The following AMPD3 variants were observed in gnomAD, a reference collection of about 807,000 sequenced individuals.
AMPD3 encodes AMP deaminase 3.
A neutral mutation model predicts 82.3 loss-of-function variants in AMPD3; 57 were observed. The observed-to-expected ratio is 0.69, with a 90% CI of 0.56 to 0.86. The LOEUF (loss-of-function observed/expected upper bound fraction) is 0.86, where lower values mean the gene tolerates loss of function less well. Among genes scored for constraint, AMPD3 ranks in the 40% least tolerant of loss-of-function variants. The probability of loss-of-function intolerance (pLI) is 0.00; values close to 1 mark genes in which losing one functional copy is unlikely to be tolerated. For synonymous variants in AMPD3, 381 were observed against 394.7 expected (o/e 0.97, Z 0.41); for missense variants, 870 against 1,003.8 (o/e 0.87, Z 1.80).
intron 2 of AMPD3, 103 bp downstream of exon 2, chr11:10,461,843 T>C (rs1848280375): frequency 2.7e-6 from 3 of 1,110,304 alleles, no homozygotes; most frequent in Admixed American, 2.0e-5. Context: ...GACTGGTATG[T>C]CCCTAGAGCT....
intron 3 of AMPD3, chr11:10,481,355 C>T (rs1056388829): frequency 1.3e-6 from 1 of 775,018 alleles, no homozygotes; most frequent in Non-Finnish European, 1.6e-6. Flanking sequence ...TGACGGTGCT[C>T]ATCGCCTTCA....
intron 3 of AMPD3, among the ~76,000 whole-genome samples, chr11:10,479,323 G>A (rs1375100509): frequency 2.0e-5 from 3 of 152,164 alleles, no homozygotes; most frequent in Non-Finnish European, 4.4e-5. Flanking sequence ...TTCTTGGAGA[G>A]AAATATCACT....
intron 6 of AMPD3, among the ~76,000 whole-genome samples, chr11:10,488,786 A>G (rs1849155341): frequency 6.6e-6 from 1 of 151,946 alleles, no homozygotes; most frequent in Non-Finnish European, 1.5e-5. Flanking sequence ...CCAGCTGGGA[A>G]CCTCTTGGGG....
rs1564853900 is a variant in AMPD3, at chr11:10,494,906, A to G, written c.1142A>G (p.Gln381Arg). The change falls in exon 8 of 15, where the codon CAG (glutamine) becomes CGG (arginine). Residue 381 changes from glutamine to arginine, a missense_variant. Physicochemically the swap from Gln to Arg is conservative, Grantham distance 43 (BLOSUM62 1). Coordinates refer to ENST00000396553, the MANE Select transcript of AMPD3 (RefSeq NM_001025389.2). The stretch of plus-strand genomic sequence containing the variant: ...TGTGGTCTCCCCCCTCAGGGCCGGC[A>G]GACATTCCACCGCTTTGACAAGTTC... ...VDSLDVHAGR[Q>R]TFHRFDKFNS... 1 of 1,613,922 alleles carries G rather than the reference A, an allele frequency of 6.2e-7. No individual in the cohort carries two copies. The highest frequency in any genetic ancestry group is 1.3e-5 in the African/African-American group (1 of 74,942).
chr11:10,474,406 G>T (rs1848680865), intron 2 of AMPD3, among the ~76,000 whole-genome samples: 2 of 152,194 alleles, frequency 1.3e-5, no homozygotes, highest in African/African-American at 4.8e-5. Flanking sequence ...TATTCTCTAG[G>T]AGAGCAAGGT....
At chr11:10,502,577 A>G in intron 12 of AMPD3, 144 bp from the exon 13 acceptor site, 1 of 1,586,598 alleles carries the variant, frequency 6.3e-7, no homozygotes. Flanking sequence ...CCTGGCTTCG[A>G]GGAACTCGGG....
intron 2 of AMPD3, among the ~76,000 whole-genome samples, chr11:10,466,949 T>C (rs763075568): frequency 2.0e-5 from 3 of 152,110 alleles, no homozygotes; most frequent in Non-Finnish European, 2.9e-5. Context: ...GTCTGATTGT[T>C]AGGAGGAAAT....
intron 2 of AMPD3, among the ~76,000 whole-genome samples, chr11:10,470,826 G>A (rs979781843): frequency 3.9e-5 from 6 of 152,026 alleles, no homozygotes; most frequent in Admixed American, 6.5e-5. Flanking sequence ...AAAAACAAAT[G>A]GAAAAACATT....
chr11:10,489,724 A>C (rs549014168), intron 6 of AMPD3, among the ~76,000 whole-genome samples: 1 of 151,044 alleles, frequency 6.6e-6, no homozygotes, highest in East Asian at 1.9e-4. Context: ...CTTGTTGCCC[A>C]GGCTGGAGTG....
rs1244295669 is a variant in AMPD3, at chr11:10,506,049, T to C, written c.*165T>C. On this transcript the variant is annotated 3_prime_UTR_variant, in exon 15 of 15. Coordinates refer to ENST00000396553, the MANE Select transcript of AMPD3 (RefSeq NM_001025389.2). The surrounding 1 kb of genome is among the most constrained non-coding windows in gnomAD (Gnocchi z 4.1). ...GCACTGCTCACTTTAAGAGTTAACA[T>C]GCTCACTTGTTAGTATTTCTGAGTA... 2 of 729,264 alleles carry C rather than the reference T, an allele frequency of 2.7e-6. No homozygotes were observed. The highest frequency in any genetic ancestry group is 3.5e-5 in the African/African-American group (2 of 57,308). 45.2% of individuals were successfully genotyped at this position (729,264 alleles called of 1,614,324 possible).
Position 10,455,360 on chromosome 11 carries a change from C to G in AMPD3, c.-94C>G, listed in dbSNP as rs757752120. 1.0e-5 allele frequency: 10 copies of G among 985,306 alleles called. No homozygotes were observed. The highest frequency in any genetic ancestry group is 9.6e-6 in the Non-Finnish European group (8 of 829,982). The allele number at this position is 985,306 out of a possible 1,614,324, so 61.0% of individuals were successfully genotyped here. ...TTTAGAGGATTGCTCCTGTGGGTCA[C>G]TTGAGGCAGGCTCCACCTTCCCCAG... On this transcript the variant is annotated 5_prime_UTR_variant, in exon 1 of 15. Transcript: ENST00000396553.
intron 2 of AMPD3, among the ~76,000 whole-genome samples, chr11:10,468,583 A>G (rs1331447624): frequency 6.6e-6 from 1 of 152,184 alleles, no homozygotes; most frequent in African/African-American, 2.4e-5. Context: ...AGACTTTAAC[A>G]CCCCATTGTG....
At chr11:10,478,932 C>T (rs571834863) in intron 3 of AMPD3, among the ~76,000 whole-genome samples, 35 of 142,536 alleles carry the variant, frequency 2.5e-4, no homozygotes, top group Admixed American at 1.7e-3. Flanking sequence ...GCCTGTTCCC[C>T]GTGAGGAGGG....
chr11:10,454,871 A>G (rs1374247846), upstream of AMPD3, among the ~76,000 whole-genome samples: 1 of 152,164 alleles, frequency 6.6e-6, no homozygotes, highest in African/African-American at 2.4e-5. Context: ...TTAATGAATA[A>G]ATATTACCCT....
Position 10,495,604 on chromosome 11 carries a change from A to G in AMPD3, c.1301A>G (p.Gln434Arg), listed in dbSNP as rs1249122721. Reference protein sequence around the residue: ...VARELEESKYQYSEPRLSIYG... With the variant: ...VARELEESKYRYSEPRLSIYG... ...CGGGAGCTGGAGGAGAGCAAGTACC[A>G]GTACTCAGAGCCACGGCTCTCCATC... Residue 434 changes from glutamine (Q) to arginine (R), a missense_variant, in exon 9 of 15, where the codon CAG (glutamine) becomes CGG (arginine). Physicochemically the swap from Gln to Arg is conservative, Grantham distance 43. Transcript: ENST00000396553. 6.2e-7 allele frequency: 1 copy of G among 1,613,536 alleles called. No homozygotes were observed.
chr11:10,458,082 A>G (rs182260743), intron 1 of AMPD3, among the ~76,000 whole-genome samples: 6 of 151,940 alleles, frequency 3.9e-5, no homozygotes, highest in African/African-American at 1.4e-4. Flanking sequence ...CTGGTGGTGG[A>G]TGGCTTCTGT....
chr11:10,458,635 T>C (rs1848171024), intron 1 of AMPD3, among the ~76,000 whole-genome samples: 1 of 152,198 alleles, frequency 6.6e-6, no homozygotes, highest in East Asian at 1.9e-4. Context: ...TGTATTTTTA[T>C]TTTTTTATGT....
rs575529738 is a variant in AMPD3, at chr11:10,507,140, G to A, written c.*1256G>A. 6.6e-6 allele frequency: 1 copy of A among 152,460 alleles called. No individual in the cohort carries two copies. The highest frequency in any genetic ancestry group is 1.5e-5 in the Non-Finnish European group (1 of 68,024). 9.4% of individuals were successfully genotyped at this position (152,460 alleles called of 1,614,324 possible). A position where few individuals can be genotyped will look rare whatever the true frequency, so the allele number is the denominator to read the frequency against. On this transcript the variant is annotated 3_prime_UTR_variant, in exon 15 of 15. Transcript: ENST00000396553. ...TTGAATAACTAAGTGAATTTCTTTT[G>A]GCAACTTTTTAAGGACATGTGCTCT...
At chr11:10,480,120 G>C (rs1256758680) in intron 3 of AMPD3, among the ~76,000 whole-genome samples, 1 of 152,244 alleles carries the variant, frequency 6.6e-6, no homozygotes, top group African/African-American at 2.4e-5. Flanking sequence ...CTGGGCAACT[G>C]GTCCTCAGAA....
Sources: gnomAD v4.1 joint callset for allele counts (sites outside exome capture counted in the v4.1 genomes callset) on GRCh38, gnomAD v4.1.1 for gene constraint, Gnocchi (gnomAD v3.1) non-coding constraint, MANE v1.5 for transcripts, NCBI Gene and HGNC (gene_info 2026-07-23, HGNC 2026-07-21) for gene names.